The following SLIT1 variants were observed in gnomAD, a reference collection of about 807,000 sequenced individuals.
SLIT1 encodes the protein slit guidance ligand 1, also known as slit homolog 1 protein.
A neutral mutation model predicts 186.1 loss-of-function variants in SLIT1; 66 were observed. The observed-to-expected ratio is 0.35, with a 90% confidence interval of 0.29 to 0.44. SLIT1 has a LOEUF of 0.44. Ranked by LOEUF, SLIT1 falls within the 20% of genes least tolerant of loss-of-function variation. The pLI, the probability that SLIT1 is intolerant of heterozygous loss-of-function variation, is 1.00. For synonymous variants in SLIT1, 761 were observed against 833.8 expected (o/e 0.91, Z 1.50); for missense variants, 1,638 against 2,037.4 (o/e 0.80, Z 3.77).
At chr10:97,173,720 AG>A (rs1287967554) in intron 1 of SLIT1, among the ~76,000 whole-genome samples, 1 of 151,916 alleles carries the variant, frequency 6.6e-6, no homozygotes, top group Non-Finnish European at 1.5e-5. Context: ...ATGGGGAAGG[AG>A]GGGGTCACAG....
intron 4 of SLIT1, among the ~76,000 whole-genome samples, chr10:97,132,287 A>G (rs1441646631): frequency 6.6e-6 from 1 of 152,158 alleles, no homozygotes. Flanking sequence ...CCAGGGTCCC[A>G]GACAAAGCCA....
intron 4 of SLIT1, chr10:97,102,987 T>C (rs891189656): frequency 1.3e-5 from 2 of 152,192 alleles, no homozygotes; most frequent in Non-Finnish European, 2.9e-5. Context: ...AGGGGGAAGC[T>C]AACTGCTTCT....
intron 4 of SLIT1, among the ~76,000 whole-genome samples, chr10:97,089,034 C>T (rs1276611456): frequency 6.6e-6 from 1 of 152,156 alleles, no homozygotes; most frequent in African/African-American, 2.4e-5. Context: ...CAGCACCCTG[C>T]AAGGAGAAAC....
At chr10:97,118,518 G>A (rs1849528258) in intron 4 of SLIT1, among the ~76,000 whole-genome samples, 1 of 152,078 alleles carries the variant, frequency 6.6e-6, no homozygotes, top group Non-Finnish European at 1.5e-5. Flanking sequence ...CCATCAAAGC[G>A]CTCCTCTATC....
chr10:97,142,162 C>G (rs1264464283), intron 4 of SLIT1, among the ~76,000 whole-genome samples: 2 of 148,530 alleles, frequency 1.3e-5, no homozygotes, highest in African/African-American at 2.4e-5. Flanking sequence ...ACAACAAATA[C>G]TGCCAAACCA....
chr10:97,067,326 C>A (rs1295545347), intron 4 of SLIT1, among the ~76,000 whole-genome samples: 3 of 152,166 alleles, frequency 2.0e-5, no homozygotes, highest in African/African-American at 7.2e-5. Context: ...CTGACCTGTC[C>A]ACCTGCCTCT....
At chr10:97,171,950 T>C (rs1850195171) in intron 1 of SLIT1, among the ~76,000 whole-genome samples, 1 of 152,088 alleles carries the variant, frequency 6.6e-6, no homozygotes, top group Non-Finnish European at 1.5e-5. Context: ...TTCCTTCCTC[T>C]TTGCCTACGA....
intron 4 of SLIT1, among the ~76,000 whole-genome samples, chr10:97,140,222 T>C (rs141413826): frequency 6.6e-6 from 1 of 152,206 alleles, no homozygotes; most frequent in East Asian, 1.9e-4. Context: ...TCGTACCAGC[T>C]TTTCCCAGGT....
At chr10:97,060,379 A>G (rs7924220) in intron 9 of SLIT1, among the ~76,000 whole-genome samples, 30,565 of 152,230 alleles carry the variant, frequency 0.2, 3,797 homozygotes, top group African/African-American at 0.35. Flanking sequence ...AAAGGGGCCC[A>G]CAAATGATGC....
chr10:97,166,470 C>T (rs1415940736), intron 1 of SLIT1, among the ~76,000 whole-genome samples: 1 of 149,004 alleles, frequency 6.7e-6, no homozygotes, highest in African/African-American at 2.5e-5. Flanking sequence ...GAGCCAGGAC[C>T]GTGCCATTGC....
chr10:97,011,166 G>A, intron 30 of SLIT1, 36 bp from the exon 31 acceptor site: 7 of 1,546,302 alleles, frequency 4.5e-6, no homozygotes, highest in Non-Finnish European at 5.4e-6. Flanking sequence ...TGGGGGGTCA[G>A]CCACACAGAG....
At chr10:97,071,374 C>A (rs1027111625) in intron 4 of SLIT1, among the ~76,000 whole-genome samples, 4 of 152,174 alleles carry the variant, frequency 2.6e-5, no homozygotes, top group Admixed American at 2.6e-4. Context: ...CTCAGCCCAG[C>A]CGACCACTCA....
rs1449021307 is a variant in SLIT1, at chr10:97,042,785, C to G, written c.2164+116G>C. 4 of 1,141,396 alleles carry G rather than the reference C, an allele frequency of 3.5e-6. No homozygotes were observed. The African/African-American group carries it at 6.2e-5, about 18-fold the overall frequency. 70.7% of individuals were successfully genotyped at this position (1,141,396 alleles called of 1,614,324 possible). ...GCCTCCCCTCCCCACCTAACCTCTCCTCTCAGGGGCATGCCAGGGGGTGCT... is the reference window on the plus strand; with the variant it reads ...GCCTCCCCTCCCCACCTAACCTCTCGTCTCAGGGGCATGCCAGGGGGTGCT... On this transcript the variant is annotated intron_variant, in intron 20 of 36. Transcript: ENST00000266058.
At chr10:97,167,724 C>T (rs894278716) in intron 1 of SLIT1, among the ~76,000 whole-genome samples, 1 of 152,198 alleles carries the variant, frequency 6.6e-6, no homozygotes, top group African/African-American at 2.4e-5. Context: ...CCCCATGTGT[C>T]ATGGGAGGGA....
chr10:97,023,993 G>A (rs1008772255), intron 25 of SLIT1, among the ~76,000 whole-genome samples: 5 of 151,908 alleles, frequency 3.3e-5, no homozygotes, highest in African/African-American at 1.2e-4. Flanking sequence ...GAGGGAGGGA[G>A]GGAGCGAGGG....
intron 3 of SLIT1, among the ~76,000 whole-genome samples, chr10:97,161,856 C>T (rs945638292): frequency 2.0e-5 from 3 of 152,198 alleles, no homozygotes; most frequent in Non-Finnish European, 4.4e-5. Flanking sequence ...GGGTTCTAAT[C>T]CCCTCTTCTG....
At chr10:97,062,481 T>C (rs2636791) in intron 8 of SLIT1, among the ~76,000 whole-genome samples, 148,790 of 152,340 alleles carry the variant, frequency 0.98, 72,748 homozygotes, top group East Asian at 1. Context: ...ATTCAGCAAG[T>C]ATTTCCTGTG....
intron 1 of SLIT1, among the ~76,000 whole-genome samples, chr10:97,175,209 A>G (rs757426755): frequency 1.3e-5 from 2 of 152,234 alleles, no homozygotes; most frequent in Non-Finnish European, 2.9e-5. Context: ...ATGTTGTAGC[A>G]TGTGTCAGAA....
At chr10:97,157,666 G>A (rs900020625) in intron 4 of SLIT1, 152 bp downstream of exon 4, 1 of 674,716 alleles carries the variant, frequency 1.5e-6, no homozygotes, top group African/African-American at 1.8e-5. Context: ...GAAAGGGCCT[G>A]GCCTTTGATG....
Sources: allele counts gnomAD v4.1 joint callset (sites outside exome capture counted in the v4.1 genomes callset), GRCh38; gene constraint gnomAD v4.1.1; transcripts MANE v1.5; gene names NCBI Gene and HGNC (gene_info 2026-07-23, HGNC 2026-07-21).